Variants in GRM3 observed in about 807,000 individuals in gnomAD.
The protein encoded by GRM3 is metabotropic glutamate receptor 3.
Under a neutral mutation model 70.5 loss-of-function variants are expected in GRM3, and 26 were observed. The ratio of observed to expected loss-of-function variants is 0.37; its 90% CI spans 0.27 to 0.51. The LOEUF (loss-of-function observed/expected upper bound fraction) is 0.51, where lower values mean the gene tolerates loss of function less well. GRM3 is among the 20% of genes least tolerant of loss of function. The probability of loss-of-function intolerance (pLI) is 0.93; values close to 1 mark genes in which losing one functional copy is unlikely to be tolerated. For synonymous variants in GRM3, 443 were observed against 434.9 expected (o/e 1.02, Z -0.23); for missense variants, 859 against 1,123.8 (o/e 0.76, Z 3.37).
intron 1 of GRM3, among the ~76,000 whole-genome samples, chr7:86,712,451 T>G (rs116660571): frequency 0.025 from 3,830 of 152,202 alleles, 133 homozygotes; most frequent in African/African-American, 0.087. Context: ...AGGGTAACTG[T>G]CATATACATC....
At chr7:86,653,513 A>C (rs1793658312) in intron 1 of GRM3, among the ~76,000 whole-genome samples, 1 of 152,198 alleles carries the variant, frequency 6.6e-6, no homozygotes. Context: ...AGTTTCTATA[A>C]GTTGTATGAA....
intron 1 of GRM3, among the ~76,000 whole-genome samples, chr7:86,669,241 G>A (rs2115891442): frequency 6.6e-6 from 1 of 152,234 alleles, no homozygotes; most frequent in Non-Finnish European, 1.5e-5. Flanking sequence ...AATTAAATCA[G>A]AATCACTAGG....
intron 1 of GRM3, among the ~76,000 whole-genome samples, chr7:86,652,211 G>C (rs1793623304): frequency 7.6e-6 from 1 of 130,894 alleles, no homozygotes; most frequent in African/African-American, 3.0e-5. Context: ...TGAGGTGTTA[G>C]AGTGCTCACC....
chr7:86,751,440 C>T (rs574176246), intron 1 of GRM3, among the ~76,000 whole-genome samples: 2 of 152,232 alleles, frequency 1.3e-5, no homozygotes, highest in African/African-American at 2.4e-5. Context: ...GAACCTACCA[C>T]AGGGCCTGGC....
rs186795643 is a variant in GRM3 at position 86,740,755 on chromosome 7, A to C, written c.-140-24251A>C. Among the ~76,000 whole-genome samples the C allele has an allele frequency of 1.1e-4, 16 of 152,238 alleles. 1 individual carries two copies. The highest frequency in any genetic ancestry group is 1.8e-4 in the Non-Finnish European group (12 of 68,016). On this transcript the variant is annotated intron_variant, in intron 1 of 5. Coordinates refer to ENST00000361669, the MANE Select transcript of GRM3 (RefSeq NM_000840.3). ...GCTGATAACTTGAAGACTAAAGCAG[A>C]AAGAGGCCCTTGGCAAGGACTTCCA...
At chr7:86,659,948 TCA>T (rs1317338303) in intron 1 of GRM3, among the ~76,000 whole-genome samples, 2 of 152,018 alleles carry the variant, frequency 1.3e-5, no homozygotes, top group Non-Finnish European at 2.9e-5. Context: ...ACAAAAAGTC[TCA>T]GATTCCTTTG....
At chr7:86,649,055 C>T (rs149124818) in intron 1 of GRM3, among the ~76,000 whole-genome samples, 44 of 152,268 alleles carry the variant, frequency 2.9e-4, no homozygotes, top group African/African-American at 9.6e-4. Flanking sequence ...CATGGAAACA[C>T]TCACGTGGAT....
intron 1 of GRM3, among the ~76,000 whole-genome samples, chr7:86,665,251 A>G (rs1793997035): frequency 6.6e-6 from 1 of 152,064 alleles, no homozygotes. Context: ...TCTCAATTCT[A>G]TCACTTATAA....
intron 3 of GRM3, among the ~76,000 whole-genome samples, chr7:86,818,128 G>A (rs934840863): frequency 2.6e-5 from 4 of 151,934 alleles, no homozygotes; most frequent in Non-Finnish European, 5.9e-5. Context: ...ATCACACTGC[G>A]TTCATCTATT....
At chr7:86,799,591 A>G (rs1797635922) in intron 3 of GRM3, among the ~76,000 whole-genome samples, 1 of 151,638 alleles carries the variant, frequency 6.6e-6, no homozygotes, top group South Asian at 2.1e-4. Flanking sequence ...CAGTGGTGCG[A>G]TCTCCGCTCA....
intron 1 of GRM3, among the ~76,000 whole-genome samples, chr7:86,750,694 TA>T (rs75485023): frequency 0.037 from 5,389 of 143,970 alleles, 238 homozygotes; most frequent in African/African-American, 0.11. Context: ...TAAAGTAGAT[TA>T]AAAAAAAAAA....
At chr7:86,729,649 A>G (rs1795679042) in intron 1 of GRM3, among the ~76,000 whole-genome samples, 1 of 152,252 alleles carries the variant, frequency 6.6e-6, no homozygotes, top group Non-Finnish European at 1.5e-5. Flanking sequence ...TACATACACA[A>G]ACTTTTCTAA....
At chr7:86,748,505 G>A (rs1040644858) in intron 1 of GRM3, among the ~76,000 whole-genome samples, 1 of 143,806 alleles carries the variant, frequency 7.0e-6, no homozygotes, top group African/African-American at 2.8e-5. Context: ...TACATTTTAG[G>A]CAAGACCCTA....
At chr7:86,729,988 T>C (rs1272054492) in intron 1 of GRM3, among the ~76,000 whole-genome samples, 1 of 151,918 alleles carries the variant, frequency 6.6e-6, no homozygotes, top group Admixed American at 6.6e-5. Flanking sequence ...GTGCCTGTAA[T>C]CCCAGCTACT....
chr7:86,648,482 T>G (rs1793531994), intron 1 of GRM3, among the ~76,000 whole-genome samples: 1 of 152,182 alleles, frequency 6.6e-6, no homozygotes, highest in Non-Finnish European at 1.5e-5. Flanking sequence ...TAATAGAATG[T>G]GCTAGGAATG....
At chr7:86,790,274 T>G (rs933272967) in intron 3 of GRM3, among the ~76,000 whole-genome samples, 1 of 152,162 alleles carries the variant, frequency 6.6e-6, no homozygotes, top group Non-Finnish European at 1.5e-5. Flanking sequence ...CATATCCATC[T>G]GGGATTTTGC....
chr7:86,854,516 C>T (rs1236943084), intron 5 of GRM3, among the ~76,000 whole-genome samples: 1 of 149,416 alleles, frequency 6.7e-6, no homozygotes, highest in Admixed American at 6.6e-5. Flanking sequence ...TAATTATATA[C>T]AGTAGAAGTA....
intron 1 of GRM3, among the ~76,000 whole-genome samples, chr7:86,683,541 C>A (rs1233691924): frequency 6.6e-6 from 1 of 152,148 alleles, no homozygotes; most frequent in African/African-American, 2.4e-5. Flanking sequence ...ATTGAATACA[C>A]TGAGGACTCC....
intron 1 of GRM3, among the ~76,000 whole-genome samples, chr7:86,695,952 T>A (rs12704282): frequency 6.6e-6 from 1 of 152,036 alleles, no homozygotes; most frequent in African/African-American, 2.4e-5. Context: ...AAAGGTACAG[T>A]TTACCTTAGC....
Sources: gnomAD v4.1 joint callset for allele counts (sites outside exome capture counted in the v4.1 genomes callset) on GRCh38, gnomAD v4.1.1 for gene constraint, MANE v1.5 for transcripts, NCBI Gene and HGNC (gene_info 2026-07-23, HGNC 2026-07-21) for gene names.